The following TCF12 variants were observed in gnomAD, a reference collection of about 807,000 sequenced individuals.
TCF12 encodes the protein transcription factor 12, also known as DNA-binding protein HTF4.
TCF12 carries 45 observed loss-of-function variants against 86.0 expected under a neutral mutation model. The observed-to-expected ratio is 0.52, with a 90% CI of 0.41 to 0.67. The LOEUF (loss-of-function observed/expected upper bound fraction) is 0.67. Ranked by LOEUF, TCF12 falls within the 30% of genes least tolerant of loss-of-function variation. TCF12 has a pLI of 0.00. For synonymous variants in TCF12, 330 were observed against 299.6 expected, an observed-to-expected ratio of 1.10 and a Z score of -1.05; for missense variants, 881 against 859.9, an observed-to-expected ratio of 1.02 and a Z score of -0.31.
intron 3 of TCF12, among the ~76,000 whole-genome samples, chr15:56,929,915 A>C (rs182679641): frequency 1.3e-4 from 20 of 152,304 alleles, no homozygotes; most frequent in Non-Finnish European, 2.4e-4. Context: ...ATGGAAGATC[A>C]TTCTAGTTGC....
At chr15:57,164,147 A>G (rs1461782419) in intron 5 of TCF12, among the ~76,000 whole-genome samples, 7 of 152,152 alleles carry the variant, frequency 4.6e-5, no homozygotes, top group African/African-American at 1.4e-4. Flanking sequence ...TTCATTTAGT[A>G]TATTGAATAC....
intron 8 of TCF12, among the ~76,000 whole-genome samples, chr15:57,222,246 T>C (rs1318599846): frequency 2.0e-5 from 3 of 151,478 alleles, no homozygotes; most frequent in African/African-American, 7.2e-5. Context: ...TTTTTAGTTT[T>C]CGAGTTGATT....
chr15:56,935,860 A>C (rs1473929964), intron 3 of TCF12, among the ~76,000 whole-genome samples: 2 of 152,140 alleles, frequency 1.3e-5, no homozygotes, highest in Admixed American at 6.5e-5. Flanking sequence ...TACAGATTCT[A>C]TCATGTATAT....
Position 57,287,907 on chromosome 15 carries a change from G to A in TCF12, c.*1762G>A, listed in dbSNP as rs1461942387. ...CAGCTAAACAGAAGTTGTTGCTTATGATGTGTGAGTGAACATATGCCACTG... is the reference window on the plus strand; with the variant it reads ...CAGCTAAACAGAAGTTGTTGCTTATAATGTGTGAGTGAACATATGCCACTG... On this transcript the variant is annotated 3_prime_UTR_variant, in exon 21 of 21. Transcript: ENST00000333725. The A allele has an allele frequency of 2.0e-5, 3 of 152,648 alleles. No homozygotes were observed. Among genetic ancestry groups the A allele is most frequent in the African/African-American group, 7.2e-5 (3 of 41,464 alleles). 9.5% of individuals were successfully genotyped at this position (152,648 alleles called of 1,614,324 possible). A position where few individuals can be genotyped will look rare whatever the true frequency, so the allele number is the denominator to read the frequency against.
intron 20 of TCF12, among the ~76,000 whole-genome samples, chr15:57,285,759 C>T (rs2061906909): frequency 6.6e-6 from 1 of 152,128 alleles, no homozygotes; most frequent in South Asian, 2.1e-4. Context: ...ATCGCATGAT[C>T]TCCTTTAAAA....
intron 18 of TCF12, among the ~76,000 whole-genome samples, chr15:57,271,994 A>AC (rs540238651): frequency 1.3e-5 from 2 of 152,172 alleles, no homozygotes; most frequent in Non-Finnish European, 2.9e-5. Flanking sequence ...GTCCTTGGCA[A>AC]CCATTGATCT....
chr15:57,075,834 CTTTTCTT>C (rs1428395632), intron 4 of TCF12, among the ~76,000 whole-genome samples: 50 of 48,814 alleles, frequency 1.0e-3, no homozygotes, highest in Non-Finnish European at 1.2e-3. Flanking sequence ...CTCTCTCTCT[CTTTTCTT>C]TCTTTCTTTC....
chr15:57,098,009 CAAAAAAAAA>C (rs72046243), intron 5 of TCF12, among the ~76,000 whole-genome samples: 1 of 48,414 alleles, frequency 2.1e-5, no homozygotes, highest in African/African-American at 9.4e-5. Context: ...TACAAAAATA[CAAAAAAAAA>C]AAAAAAAAAA....
intron 8 of TCF12, among the ~76,000 whole-genome samples, chr15:57,221,383 G>GGTGGGT: frequency 6.7e-6 from 1 of 148,744 alleles, no homozygotes; most frequent in Non-Finnish European, 1.5e-5. Context: ...ATGTGTGTGG[G>GGTGGGT]GTGTGTGTGT....
rs1222904887 is a variant in TCF12 at position 57,232,849 on chromosome 15, C to T, written c.963C>T (p.Ser321=). Residue 321 remains serine (S), a synonymous_variant, in exon 11 of 21, where the codon AGC becomes AGT. Transcript: ENST00000333725. The stretch of plus-strand genomic sequence containing the variant: ...CTCCTCCCATCAATGGATCAGACAG[C>T]ATTCTAGGTGAGCTTTTTGAGTTGG... ...SHTPPINGSD[S]ILGTRGNAAG... is the part of the protein sequence containing the mutation. 1.3e-6 allele frequency: 2 copies of T among 1,580,328 alleles called. No individual in the cohort carries two copies.
At chr15:57,239,515 C>CAAA (rs67591734) in intron 12 of TCF12, among the ~76,000 whole-genome samples, 6 of 107,136 alleles carry the variant, frequency 5.6e-5, no homozygotes, top group Non-Finnish European at 8.7e-5. Flanking sequence ...GACTCCATCT[C>CAAA]AAAAAAAAAA....
intron 3 of TCF12, among the ~76,000 whole-genome samples, chr15:56,970,734 AAG>A (rs1332576632): frequency 1.3e-5 from 2 of 151,904 alleles, no homozygotes; most frequent in Non-Finnish European, 2.9e-5. Flanking sequence ...AGTAATTACA[AAG>A]TCAAAAGACA....
intron 3 of TCF12, among the ~76,000 whole-genome samples, chr15:56,984,906 GC>G (rs1438982634): frequency 4.6e-5 from 7 of 152,128 alleles, no homozygotes; most frequent in African/African-American, 1.4e-4. Context: ...GTAAGATTGT[GC>G]TAAGACACCG....
chr15:56,936,457 T>G (rs2060474208), intron 3 of TCF12, among the ~76,000 whole-genome samples: 1 of 152,216 alleles, frequency 6.6e-6, no homozygotes, highest in African/African-American at 2.4e-5. Flanking sequence ...AACTGTTCTT[T>G]TGCTGTGCAG....
chr15:57,084,794 G>T (rs1415665598), intron 4 of TCF12, among the ~76,000 whole-genome samples: 1 of 150,032 alleles, frequency 6.7e-6, no homozygotes, highest in Non-Finnish European at 1.5e-5. Flanking sequence ...TATTATAAAT[G>T]TATATTAAAT....
intron 3 of TCF12, among the ~76,000 whole-genome samples, chr15:57,011,898 A>G (rs1258356138): frequency 1.3e-5 from 2 of 152,234 alleles, no homozygotes; most frequent in African/African-American, 4.8e-5. Flanking sequence ...AGAAACAGCT[A>G]TGAAAATGGA....
intron 3 of TCF12, among the ~76,000 whole-genome samples, chr15:57,041,533 G>C (rs2066895577): frequency 6.6e-6 from 1 of 152,144 alleles, no homozygotes; most frequent in Non-Finnish European, 1.5e-5. Flanking sequence ...TACTGCAGAA[G>C]TTAGACAAAG....
chr15:57,049,140 T>A (rs1026928028), intron 3 of TCF12, among the ~76,000 whole-genome samples: 3 of 152,296 alleles, frequency 2.0e-5, no homozygotes. Flanking sequence ...CTTGCAGCAA[T>A]TTGGGACAGT....
At chr15:57,191,740 C>G (rs1416084553) in intron 6 of TCF12, among the ~76,000 whole-genome samples, 1 of 151,970 alleles carries the variant, frequency 6.6e-6, no homozygotes, top group Non-Finnish European at 1.5e-5. Context: ...GAGTTTGAGT[C>G]CAGTCTGGCC....
Sources: gnomAD v4.1 joint callset for allele counts (sites outside exome capture counted in the v4.1 genomes callset) on GRCh38, gnomAD v4.1.1 for gene constraint, MANE v1.5 for transcripts, NCBI Gene and HGNC (gene_info 2026-07-23, HGNC 2026-07-21) for gene names.